Variants in PLD3 observed in about 807,000 individuals in gnomAD.
PLD3 encodes the protein 5'-3' exonuclease PLD3.
PLD3 carries 31 observed loss-of-function variants against 58.4 expected under a neutral mutation model. The observed-to-expected ratio is 0.53, with a 90% confidence interval of 0.40 to 0.72. The LOEUF is 0.72. Ranked by LOEUF, PLD3 falls within the 30% of genes least tolerant of loss-of-function variation. PLD3 has a pLI of 0.00. For synonymous variants in PLD3, 264 were observed against 273.4 expected, an observed-to-expected ratio of 0.97 and a Z score of 0.34; for missense variants, 595 against 659.8, an observed-to-expected ratio of 0.90 and a Z score of 1.08.
chr19:40,376,052 CAAAAAG>C (rs369195662), intron 10 of PLD3, among the ~76,000 whole-genome samples: 29 of 149,468 alleles, frequency 1.9e-4, no homozygotes, highest in African/African-American at 6.7e-4. Flanking sequence ...GAACCTGTCT[CAAAAAG>C]AAAAAAAAGA....
chr19:40,361,214 G>A (rs1037271945), intron 1 of PLD3, among the ~76,000 whole-genome samples: 4 of 152,102 alleles, frequency 2.6e-5, no homozygotes, highest in Admixed American at 6.5e-5. Flanking sequence ...GGGTTCAAGC[G>A]ATTCTCCTGC....
intron 8 of PLD3, chr19:40,370,710 T>C: frequency 6.5e-6 from 1 of 153,982 alleles, no homozygotes. Context: ...TCTACTGCCC[T>C]CCCCCTGCTC....
At chr19:40,368,620 T>C (rs1018538327) in intron 6 of PLD3, among the ~76,000 whole-genome samples, 34 of 152,228 alleles carry the variant, frequency 2.2e-4, no homozygotes, top group African/African-American at 8.2e-4. Context: ...AAAATAATTA[T>C]GGCCAAGTGT....
intron 1 of PLD3, among the ~76,000 whole-genome samples, chr19:40,360,759 A>G (rs1193375005): frequency 6.6e-6 from 1 of 151,968 alleles, no homozygotes; most frequent in Non-Finnish European, 1.5e-5. Context: ...ACATCACCCT[A>G]ATGTCAGCCT....
chr19:40,349,770 T>C (rs1230079480), intron 1 of PLD3, among the ~76,000 whole-genome samples: 57 of 127,450 alleles, frequency 4.5e-4, no homozygotes, highest in Middle Eastern at 6.5e-3. Flanking sequence ...ACCAGCCTGA[T>C]CAACATGGAG....
chr19:40,374,434 CGAT>C, intron 9 of PLD3, 44 bp from the exon 10 acceptor site: 8 of 1,605,858 alleles, frequency 5.0e-6, no homozygotes, highest in Non-Finnish European at 6.0e-6. Flanking sequence ...TCCGTTGTGA[CGAT>C]GACCCTGGCA....
intron 1 of PLD3, among the ~76,000 whole-genome samples, chr19:40,353,217 G>C (rs1283446636): frequency 6.6e-6 from 1 of 152,146 alleles, no homozygotes; most frequent in Non-Finnish European, 1.5e-5. Context: ...ATCACTCGAG[G>C]TCAGGAGTTC....
In PLD3 at chr19:40,366,823, A is replaced by G; in HGVS notation, c.153A>G (p.Gly51=). 6.2e-7 allele frequency: 1 copy of G among 1,613,898 alleles called. No homozygotes were observed. The highest frequency in any genetic ancestry group is 2.2e-5 in the East Asian group (1 of 44,872). ...LVLILAVVGF[G]ALMTQLFLWE... ...TCATTCTGGCGGTTGTGGGCTTCGG[A>G]GCCCTGATGACTCAGCTGTTTCTAT... The change falls in exon 5 of 13, where the codon GGA becomes GGG. Residue 51 remains glycine, a synonymous_variant. Coordinates refer to ENST00000409735, the MANE Select transcript of PLD3 (RefSeq NM_012268.4).
intron 1 of PLD3, among the ~76,000 whole-genome samples, chr19:40,364,837 G>A (rs1316849280): frequency 6.6e-6 from 1 of 151,498 alleles, no homozygotes; most frequent in Non-Finnish European, 1.5e-5. Flanking sequence ...GGTGGCACGT[G>A]CCTGTAGTCC....
At chr19:40,377,921 A>T (rs1555798200) in intron 12 of PLD3, 36 bp downstream of exon 12, 2 of 1,612,622 alleles carry the variant, frequency 1.2e-6, no homozygotes, top group Admixed American at 3.3e-5. Context: ...GCTGAAGAAG[A>T]GGGGGTTCAG....
chr19:40,372,633 AT>A (rs58157604), intron 9 of PLD3, among the ~76,000 whole-genome samples: 103,466 of 141,758 alleles, frequency 0.73, 38,488 homozygotes, highest in East Asian at 0.93. Context: ...ATTTCTTTCT[AT>A]TTTTTTTTTT....
chr19:40,373,554 G>T (rs1351148955), intron 9 of PLD3, among the ~76,000 whole-genome samples: 1 of 148,596 alleles, frequency 6.7e-6, no homozygotes, highest in Non-Finnish European at 1.5e-5. Flanking sequence ...TCCAGGCTGG[G>T]TGACAGAGTG....
rs777686845 is a variant in PLD3, at chr19:40,378,156, G to A, written c.1456G>A (p.Ala486Thr). The change falls in exon 13 of 13, where the codon GCC (alanine) becomes ACC (threonine). Residue 486 changes from alanine to threonine, a missense_variant. Transcript: ENST00000409735. ...LDTSADSVGN[A>T]CRLL The stretch of plus-strand genomic sequence containing the variant: ...CACCTCAGCTGACAGCGTGGGCAAC[G>A]CCTGCCGCCTGCTCTGAGGCCCGAT... The A allele has an allele frequency of 1.7e-5, 28 of 1,609,678 alleles. No homozygotes were observed. Among genetic ancestry groups the A allele is most frequent in the African/African-American group, 2.7e-5 (2 of 74,982 alleles).
At chr19:40,372,676 G>A (rs924834416) in intron 9 of PLD3, among the ~76,000 whole-genome samples, 2 of 149,534 alleles carry the variant, frequency 1.3e-5, no homozygotes, top group Admixed American at 1.3e-4. Flanking sequence ...GTTCTAGATA[G>A]GATACCCAAG....
At position 40,374,611 on chromosome 19, in the gene PLD3, A is replaced by C. The variant is rs1599622133; in HGVS notation, c.1010A>C (p.His337Pro). Residue 337 changes from histidine (H) to proline (P), a missense_variant, in exon 10 of 13, where the codon CAC becomes CCC. By Grantham distance (77) the His-to-Pro change is moderately conservative. Coordinates refer to ENST00000409735, the MANE Select transcript of PLD3 (RefSeq NM_012268.4). ...TACCTGCCCACTCTGGAGTTCTCCC[A>C]CCCTCACAGGTACTGCTGGGTGTGG... Reference protein sequence around the residue: ...MNYLPTLEFSHPHRFWPAIDD... With the variant: ...MNYLPTLEFSPPHRFWPAIDD... 1 of 1,613,970 alleles carries C rather than the reference A, an allele frequency of 6.2e-7. No individual in the cohort carries two copies. The highest frequency in any genetic ancestry group is 1.1e-5 in the South Asian group (1 of 91,060).
rs1185920945 is a variant in PLD3, at chr19:40,366,816, G to GCTT, written c.148_150dup (p.Phe50dup). The GCTT allele has an allele frequency of 6.2e-7, 1 of 1,613,948 alleles. No individual in the cohort carries two copies. On this transcript the variant is annotated inframe_insertion, in exon 5 of 13. Coordinates refer to ENST00000409735, the MANE Select transcript of PLD3 (RefSeq NM_012268.4). The stretch of plus-strand genomic sequence containing the variant: ...CTGGTCCTCATTCTGGCGGTTGTGG[G>GCTT]CTTCGGAGCCCTGATGACTCAGCTG...
At chr19:40,366,128 G>C in intron 2 of PLD3, 198 bp downstream of exon 2, 1 of 381,324 alleles carries the variant, frequency 2.6e-6, no homozygotes, top group East Asian at 6.6e-5. Flanking sequence ...TGCCTTTCTT[G>C]GGGTGTCTAC....
Position 40,378,291 on chromosome 19 carries a change from T to G in PLD3, c.*118T>G. ...TCTGCCCCATTGTGGCTCCTCAGGCTCTCTCCCCTGCTCTCCCACCTCTAC... is the reference window on the plus strand; with the variant it reads ...TCTGCCCCATTGTGGCTCCTCAGGCGCTCTCCCCTGCTCTCCCACCTCTAC... On this transcript the variant is annotated 3_prime_UTR_variant, in exon 13 of 13. Transcript: ENST00000409735. 1 of 951,542 alleles carries G rather than the reference T, an allele frequency of 1.1e-6. No individual in the cohort carries two copies. Among genetic ancestry groups the G allele is most frequent in the Non-Finnish European group, 1.7e-6 (1 of 596,070 alleles). 58.9% of individuals were successfully genotyped at this position (951,542 alleles called of 1,614,324 possible).
intron 1 of PLD3, among the ~76,000 whole-genome samples, chr19:40,360,946 G>A (rs142051529): frequency 5.3e-5 from 8 of 152,130 alleles, no homozygotes; most frequent in East Asian, 1.9e-4. Context: ...TTATGCTTGC[G>A]TGGGACACAT....
Sources: allele counts gnomAD v4.1 joint callset (sites outside exome capture counted in the v4.1 genomes callset), GRCh38; gene constraint gnomAD v4.1.1; transcripts MANE v1.5; gene names NCBI Gene and HGNC (gene_info 2026-07-23, HGNC 2026-07-21).